Variants in PNPLA7 observed in about 807,000 individuals in gnomAD.
PNPLA7 encodes patatin-like phospholipase domain-containing protein 7.
In PNPLA7, 153 loss-of-function variants were observed where a neutral mutation model predicts 161.7. The ratio of observed to expected loss-of-function variants is 0.95; its 90% CI spans 0.83 to 1.08. The LOEUF (loss-of-function observed/expected upper bound fraction) is 1.08. PNPLA7 is among the 50% of genes least tolerant of loss of function. The probability of loss-of-function intolerance (pLI) is 0.00; values close to 1 mark genes in which losing one functional copy is unlikely to be tolerated. For missense variants in PNPLA7, 1,739 were observed against 1,856.6 expected, an observed-to-expected ratio of 0.94 and a Z score of 1.16; for synonymous variants, 809 against 782.1, an observed-to-expected ratio of 1.03 and a Z score of -0.57.
chr9:137,550,199 G>A lies in PNPLA7; in HGVS notation c.-2C>T, dbSNP rs78784297. ...GCTGTCATCTTTCTCTTCCTCCATGGCCAGAAACAGAAAAAACAGTCAGGG... is the reference window on the plus strand; with the variant it reads ...GCTGTCATCTTTCTCTTCCTCCATGACCAGAAACAGAAAAAACAGTCAGGG... On this transcript the variant is annotated 5_prime_UTR_variant, in exon 1 of 35. Transcript: ENST00000406427. 20,101 of 1,612,928 alleles carry A rather than the reference G, an allele frequency of 0.012. 551 individuals are homozygous for A. The highest frequency in any genetic ancestry group is 0.088 in the South Asian group (8,044 of 91,060).
chr9:137,491,782 C>T (rs919718619), intron 20 of PNPLA7: 24 of 985,298 alleles, frequency 2.4e-5, no homozygotes, highest in African/African-American at 1.4e-4. Flanking sequence ...TGAACACAGA[C>T]GCAGGCTCCT....
rs181433524 is a variant in PNPLA7 at position 137,500,237 on chromosome 9, G to C, written c.1757+454C>G. ...GGGGCTCCTCCCCCGAGCCAGAGACGCGTCCTCACCCACTGCCTTGCCCTT... is the reference window on the plus strand; with the variant it reads ...GGGGCTCCTCCCCCGAGCCAGAGACCCGTCCTCACCCACTGCCTTGCCCTT... On this transcript the variant is annotated intron_variant, in intron 16 of 34. Coordinates refer to ENST00000406427, the MANE Select transcript of PNPLA7 (RefSeq NM_001098537.3). The surrounding 1 kb of genome is among the most constrained non-coding windows in gnomAD (Gnocchi z 5.5). Among the ~76,000 whole-genome samples, 1 of 152,224 alleles carries C rather than the reference G, an allele frequency of 6.6e-6. No homozygotes were observed. The highest frequency in any genetic ancestry group is 2.4e-5 in the African/African-American group (1 of 41,452).
rs150647571 is a variant in PNPLA7 at position 137,504,973 on chromosome 9, G to C, written c.1473+641C>G. Among the ~76,000 whole-genome samples the C allele has an allele frequency of 3.8e-3, 584 of 152,264 alleles. 4 individuals carry two copies. Among genetic ancestry groups the C allele is most frequent in the Non-Finnish European group, 6.0e-3 (407 of 68,030 alleles). On this transcript the variant is annotated intron_variant, in intron 14 of 34. Transcript: ENST00000406427. ...GGAGGCTGAGGTGGGCAAATCATTT[G>C]AGGTCAGGAGTTCGAGACCAGCCTG...
intron 12 of PNPLA7, chr9:137,508,795 G>A (rs961561473): frequency 1.3e-5 from 2 of 152,096 alleles, no homozygotes; most frequent in Non-Finnish European, 2.9e-5. Context: ...ACACCACTAC[G>A]ATAGTAAAAA....
intron 9 of PNPLA7, 146 bp downstream of exon 9, chr9:137,522,583 A>G (rs990357534): frequency 4.5e-6 from 4 of 891,974 alleles, no homozygotes; most frequent in South Asian, 3.2e-5. Context: ...TGATTTCTCT[A>G]TTCCTCTGAA....
chr9:137,501,779 TC>T, intron 14 of PNPLA7, 52 bp from the exon 15 acceptor site: 2 of 1,568,626 alleles, frequency 1.3e-6, no homozygotes, highest in Non-Finnish European at 1.7e-6. Flanking sequence ...TAAATGAAGG[TC>T]CAGAGAACAG....
chr9:137,500,816 C>T lies in PNPLA7; in HGVS notation c.1632G>A (p.Leu544=). 1 of 1,607,064 alleles carries T rather than the reference C, an allele frequency of 6.2e-7. No homozygotes were observed. Among genetic ancestry groups the T allele is most frequent in the South Asian group, 1.1e-5 (1 of 89,806 alleles). ...RKIGSQEDTC[L]FLTRPGEMVG... ...CCATCTCCCCGGGGCGCGTGAGGAACAAGCAGGTGTCCTCCTGGCTGCCGA... is the reference window on the plus strand; with the variant it reads ...CCATCTCCCCGGGGCGCGTGAGGAATAAGCAGGTGTCCTCCTGGCTGCCGA... The change falls in exon 16 of 35, where the codon TTG becomes TTA. Residue 544 remains leucine, a synonymous_variant. Transcript: ENST00000406427. The surrounding 1 kb of genome is among the most constrained non-coding windows in gnomAD (Gnocchi z 5.5).
intron 32 of PNPLA7, 93 bp from the exon 33 acceptor site, chr9:137,461,713 C>T: frequency 1.5e-6 from 2 of 1,363,190 alleles, no homozygotes; most frequent in Non-Finnish European, 2.0e-6. Context: ...CCACCCTGCG[C>T]CCTCTCTGCA....
chr9:137,529,271 A>G (rs1339110648), intron 8 of PNPLA7, among the ~76,000 whole-genome samples: 4 of 152,232 alleles, frequency 2.6e-5, no homozygotes, highest in African/African-American at 9.6e-5. Flanking sequence ...CTGGGATTAC[A>G]GGTGTGAGTC....
intron 26 of PNPLA7, among the ~76,000 whole-genome samples, chr9:137,466,249 T>G (rs1033360937): frequency 2.6e-5 from 4 of 152,102 alleles, no homozygotes; most frequent in Non-Finnish European, 4.4e-5. Context: ...GCTGTAACAG[T>G]CAGCTTCTTT....
chr9:137,535,624 G>C (rs1468222677), intron 8 of PNPLA7, among the ~76,000 whole-genome samples: 1 of 151,370 alleles, frequency 6.6e-6, no homozygotes, highest in Non-Finnish European at 1.5e-5. Context: ...ATGGTGGTGG[G>C]CACCTGTAAT....
chr9:137,480,018 G>A (rs781251432), intron 23 of PNPLA7: 46 of 721,468 alleles, frequency 6.4e-5, no homozygotes, highest in African/African-American at 7.7e-5. Context: ...CACCGTTTAC[G>A]TAAAAGGTTA....
chr9:137,460,264 G>T lies in PNPLA7; in HGVS notation c.*129C>A. The T allele has an allele frequency of 1.1e-6, 1 of 922,620 alleles. No homozygotes were observed. The highest frequency in any genetic ancestry group is 1.6e-6 in the Non-Finnish European group (1 of 617,788). The allele number at this position is 922,620 out of a possible 1,614,324, so 57.2% of individuals were successfully genotyped here. A position where few individuals can be genotyped will look rare whatever the true frequency, so the allele number is the denominator to read the frequency against. Reference sequence around the variant, plus strand: ...AAGAGGCCCAGAGAACCCTAACACAGCCTGGGGCCCCGGGGAAGTCAGGGC... The same window carrying T: ...AAGAGGCCCAGAGAACCCTAACACATCCTGGGGCCCCGGGGAAGTCAGGGC... On this transcript the variant is annotated 3_prime_UTR_variant, in exon 35 of 35. Coordinates refer to ENST00000406427, the MANE Select transcript of PNPLA7 (RefSeq NM_001098537.3).
In PNPLA7 at chr9:137,460,473, C is replaced by T. The variant is rs1314650643; in HGVS notation, c.3949G>A (p.Asp1317Asn). ...TGTCGATGCCGCAGTGAGGACTCGT[C>T]CTCCTGCAAGCAGACCGCATGTTCC... ...TSAQQGSDLE[D>N]ESSLRHRHPS... The change falls in exon 35 of 35, where the codon GAC (aspartate) becomes AAC (asparagine). Residue 1317 changes from aspartate (D) to asparagine (N), a missense_variant. Asp to Asn is a conservative substitution (Grantham distance 23). Around this residue, in one of 6 missense-constraint regions of PNPLA7, gnomAD observed 703 missense variants for 694.6 expected, o/e 1.01. Coordinates refer to ENST00000406427, the MANE Select transcript of PNPLA7 (RefSeq NM_001098537.3). The T allele has an allele frequency of 1.2e-6, 2 of 1,612,498 alleles. No individual in the cohort carries two copies. Among genetic ancestry groups the T allele is most frequent in the South Asian group, 1.1e-5 (1 of 91,068 alleles).
rs371086464 is a variant in PNPLA7 at position 137,484,620 on chromosome 9, C to T, written c.2314G>A (p.Ala772Thr). The change falls in exon 21 of 35, where the codon GCC becomes ACC. Residue 772 changes from alanine to threonine, a missense_variant. By Grantham distance (58) the Ala-to-Thr change is moderately conservative (BLOSUM62 0). Around this residue, in one of 6 missense-constraint regions of PNPLA7, gnomAD observed 192 missense variants for 249.5 expected, o/e 0.77. Coordinates refer to ENST00000406427, the MANE Select transcript of PNPLA7 (RefSeq NM_001098537.3). Reference sequence around the variant, plus strand: ...CTGAGGGCATGCTCCAGCTCCAGGGCGAAGGCGGTGAGGGGCACTTCCTCT... The same window carrying T: ...CTGAGGGCATGCTCCAGCTCCAGGGTGAAGGCGGTGAGGGGCACTTCCTCT... ...VSEEVPLTAF[A>T]LELEHALSAI... 8.9e-5 allele frequency: 144 copies of T among 1,611,766 alleles called. No individual in the cohort carries two copies. In the African/African-American group the frequency reaches 1.5e-3, roughly 16 times the overall value.
At position 137,500,922 on chromosome 9, in the gene PNPLA7, CGCCGCGAGTG is replaced by C. The variant is rs1320395791; in HGVS notation, c.1552-36_1552-27del. On this transcript the variant is annotated intron_variant, in intron 15 of 34. Coordinates refer to ENST00000406427, the MANE Select transcript of PNPLA7 (RefSeq NM_001098537.3). The surrounding 1 kb of genome is among the most constrained non-coding windows in gnomAD (Gnocchi z 5.5). The stretch of plus-strand genomic sequence containing the variant: ...CTGACACACGAGAGGGCTCAGGAGG[CGCCGCGAGTG>C]GCCGCGGGCAGGACGGGGGCAGCTC... 6.5e-7 allele frequency: 1 copy of C among 1,541,396 alleles called. No homozygotes were observed. The highest frequency in any genetic ancestry group is 2.4e-5 in the East Asian group (1 of 41,536).
At chr9:137,529,656 GT>G (rs542511786) in intron 8 of PNPLA7, among the ~76,000 whole-genome samples, 15,252 of 119,060 alleles carry the variant, frequency 0.13, 1,024 homozygotes, top group African/African-American at 0.3. Flanking sequence ...TTGAATCTTT[GT>G]TTTTTTTTTT....
chr9:137,503,754 G>GGAAAGAAAAAGAAGAA (rs1833666364), intron 14 of PNPLA7, among the ~76,000 whole-genome samples: 4 of 104,496 alleles, frequency 3.8e-5, no homozygotes, highest in African/African-American at 1.9e-4. Flanking sequence ...GAAGAAGAAA[G>GGAAAGAAAAAGAAGAA]AAAAGAAAGA....
intron 11 of PNPLA7, 91 bp downstream of exon 11, chr9:137,519,826 T>C: frequency 6.6e-7 from 1 of 1,511,002 alleles, no homozygotes; most frequent in Middle Eastern, 2.3e-4. Context: ...CTCAGGCATG[T>C]GCAAGATGAC....
Sources: gnomAD v4.1 joint callset for allele counts (sites outside exome capture counted in the v4.1 genomes callset) on GRCh38, gnomAD v4.1.1 for gene constraint, gnomAD v4.1.1 regional missense constraint, Gnocchi (gnomAD v3.1) non-coding constraint, MANE v1.5 for transcripts, NCBI Gene and HGNC (gene_info 2026-07-23, HGNC 2026-07-21) for gene names.